The following ARMH4 variants were observed in gnomAD, a reference collection of about 807,000 sequenced individuals.
The protein encoded by ARMH4 is armadillo like helical domain containing 4, also known as armadillo-like helical domain-containing protein 4.
A neutral mutation model predicts 61.9 loss-of-function variants in ARMH4; 49 were observed. That is an observed-to-expected ratio of 0.79 (90% confidence interval 0.63 to 1.00). The LOEUF is 1.00. ARMH4 is among the 50% of genes least tolerant of loss of function. ARMH4 has a pLI of 0.00. For missense variants in ARMH4, 934 were observed against 930.0 expected, an observed-to-expected ratio of 1.00 and a Z score of -0.06; for synonymous variants, 368 against 341.5, an observed-to-expected ratio of 1.08 and a Z score of -0.85.
At chr14:58,100,469 GC>G (rs1181268832) in intron 4 of ARMH4, among the ~76,000 whole-genome samples, 1 of 152,184 alleles carries the variant, frequency 6.6e-6, no homozygotes, top group East Asian at 1.9e-4. Context: ...TACCAGAAGA[GC>G]TCAATTGAGA....
At chr14:58,031,901 G>A (rs1009560867) in intron 5 of ARMH4, among the ~76,000 whole-genome samples, 6 of 152,164 alleles carry the variant, frequency 3.9e-5, no homozygotes, top group African/African-American at 1.4e-4. Context: ...TTGAAAGGCA[G>A]TCTGATCACA....
chr14:58,032,063 C>T (rs935849741), intron 5 of ARMH4, among the ~76,000 whole-genome samples: 1 of 152,110 alleles, frequency 6.6e-6, no homozygotes, highest in Non-Finnish European at 1.5e-5. Flanking sequence ...TTCCTTCTGT[C>T]TTCACCTTTT....
chr14:58,132,581 C>CTTTTTTTTTTTTTTT (rs71448942), intron 3 of ARMH4, among the ~76,000 whole-genome samples: 5 of 86,022 alleles, frequency 5.8e-5, no homozygotes, highest in Admixed American at 1.5e-4. Flanking sequence ...ACCCTTGTCC[C>CTTTTTTTTTTTTTTT]TTTTTTTTTT....
In ARMH4 at chr14:58,036,923, G is replaced by C. The variant is rs1258607216; in HGVS notation, c.2090-24773C>G. Reference sequence around the variant, plus strand: ...AGAGGACACAAACAAATGGAAGAACGTTCCATGCTCATGGGTAGGAAGAAT... The same window carrying C: ...AGAGGACACAAACAAATGGAAGAACCTTCCATGCTCATGGGTAGGAAGAAT... On this transcript the variant is annotated intron_variant, in intron 5 of 7. Coordinates refer to ENST00000267485, the MANE Select transcript of ARMH4 (RefSeq NM_001001872.4). 2.7e-5 allele frequency among the ~76,000 whole-genome samples: 3 copies of C among 111,628 alleles called. 1 individual carries two copies. Among genetic ancestry groups the C allele is most frequent in the Non-Finnish European group, 6.1e-5 (3 of 49,278 alleles). 73.2% of individuals were successfully genotyped at this position (111,628 alleles called of 152,430 possible).
chr14:58,144,209 A>G (rs552018952), intron 1 of ARMH4, among the ~76,000 whole-genome samples: 20 of 152,348 alleles, frequency 1.3e-4, no homozygotes, highest in South Asian at 1.2e-3. Flanking sequence ...TCTAGTTCAT[A>G]GCCAGGTAAC....
intron 5 of ARMH4, among the ~76,000 whole-genome samples, chr14:58,076,706 A>G (rs1032490851): frequency 6.6e-6 from 1 of 152,242 alleles, no homozygotes; most frequent in Non-Finnish European, 1.5e-5. Flanking sequence ...AGAGGGATAA[A>G]GGTGGTAGGA....
chr14:58,080,676 AT>A (rs2141241828), intron 5 of ARMH4, among the ~76,000 whole-genome samples: 1 of 152,304 alleles, frequency 6.6e-6, no homozygotes, highest in African/African-American at 2.4e-5. Flanking sequence ...TTTGTGCCCC[AT>A]TGAAGTTTCA....
chr14:58,067,733 C>G (rs1336173393), intron 5 of ARMH4, among the ~76,000 whole-genome samples: 1 of 152,080 alleles, frequency 6.6e-6, no homozygotes, highest in Non-Finnish European at 1.5e-5. Flanking sequence ...AATAAACAAA[C>G]AAATAAACCA....
At chr14:58,102,800 A>AT (rs1377925476) in intron 4 of ARMH4, among the ~76,000 whole-genome samples, 16 of 128,844 alleles carry the variant, frequency 1.2e-4, no homozygotes, top group African/African-American at 4.8e-4. Context: ...CCTGGGCGAC[A>AT]GAGCGAGACT....
intron 6 of ARMH4, among the ~76,000 whole-genome samples, chr14:58,005,647 T>C (rs904888755): frequency 3.9e-5 from 6 of 152,230 alleles, no homozygotes; most frequent in African/African-American, 1.4e-4. Flanking sequence ...TTGACAGTGG[T>C]GGTCCTCTCT....
chr14:58,089,516 C>T (rs1181548089), intron 5 of ARMH4, among the ~76,000 whole-genome samples: 2 of 152,176 alleles, frequency 1.3e-5, no homozygotes, highest in Non-Finnish European at 2.9e-5. Flanking sequence ...ACCCTCCTAC[C>T]AATTCAAAAC....
intron 4 of ARMH4, among the ~76,000 whole-genome samples, chr14:58,104,364 A>G: frequency 6.6e-6 from 1 of 152,226 alleles, no homozygotes; most frequent in East Asian, 1.9e-4. Context: ...AGCAACTTAT[A>G]AGATTTACTA....
chr14:58,087,299 C>T (rs549589393), intron 5 of ARMH4, among the ~76,000 whole-genome samples: 4 of 152,196 alleles, frequency 2.6e-5, no homozygotes, highest in South Asian at 4.2e-4. Flanking sequence ...AACCCTGAGT[C>T]GGGAGATGCA....
intron 1 of ARMH4, among the ~76,000 whole-genome samples, chr14:58,144,737 G>C (rs183221721): frequency 3.3e-5 from 5 of 151,906 alleles, no homozygotes; most frequent in Admixed American, 2.0e-4. Flanking sequence ...GCATGGTGGC[G>C]GGCGCCTGTA....
intron 5 of ARMH4, among the ~76,000 whole-genome samples, chr14:58,036,395 G>A (rs1334627017): frequency 1.6e-5 from 1 of 61,844 alleles, no homozygotes; most frequent in Non-Finnish European, 3.4e-5. Flanking sequence ...TTGATGGGAC[G>A]TATTTCAAAA....
At chr14:58,103,386 C>G (rs926475935) in intron 4 of ARMH4, among the ~76,000 whole-genome samples, 1 of 152,128 alleles carries the variant, frequency 6.6e-6, no homozygotes, top group Admixed American at 6.5e-5. Flanking sequence ...TGGGCTCATG[C>G]TCTTCTGCTC....
chr14:58,045,183 C>T (rs12590891), intron 5 of ARMH4, among the ~76,000 whole-genome samples: 80,564 of 152,000 alleles, frequency 0.53, 21,528 homozygotes, highest in East Asian at 0.68. Context: ...TGTGGCACTA[C>T]TCACAATAGC....
intron 4 of ARMH4, among the ~76,000 whole-genome samples, chr14:58,102,817 C>CAAAAAAA: frequency 2.0e-5 from 1 of 50,954 alleles, no homozygotes; most frequent in Non-Finnish European, 3.5e-5. Flanking sequence ...GACTCCGTCT[C>CAAAAAAA]AAAAAAAAAA....
At chr14:58,068,323 T>C (rs1424069173) in intron 5 of ARMH4, among the ~76,000 whole-genome samples, 1 of 152,154 alleles carries the variant, frequency 6.6e-6, no homozygotes, top group African/African-American at 2.4e-5. Context: ...GCTTTATATA[T>C]TGATCACTAT....
Sources: allele counts gnomAD v4.1 joint callset (sites outside exome capture counted in the v4.1 genomes callset), GRCh38; gene constraint gnomAD v4.1.1; transcripts MANE v1.5; gene names NCBI Gene and HGNC (gene_info 2026-07-23, HGNC 2026-07-21).